ADAM23: variants seen among roughly 807,000 people sequenced by gnomAD.
The protein encoded by ADAM23 is disintegrin and metalloproteinase domain-containing protein 23.
A neutral mutation model predicts 120.1 loss-of-function variants in ADAM23; 33 were observed. The ratio of observed to expected loss-of-function variants is 0.27; its 90% CI spans 0.21 to 0.37. The LOEUF (loss-of-function observed/expected upper bound fraction) is 0.37, where lower values mean the gene tolerates loss of function less well. Among genes scored for constraint, ADAM23 ranks in the 10% least tolerant of loss-of-function variants. ADAM23 has a pLI of 1.00. For missense variants in ADAM23, 862 were observed against 1,058.2 expected (o/e 0.81, Z 2.57); for synonymous variants, 367 against 375.2 (o/e 0.98, Z 0.25).
At chr2:206,615,917 C>T (rs532129735) in intron 25 of ADAM23, among the ~76,000 whole-genome samples, 5 of 152,268 alleles carry the variant, frequency 3.3e-5, no homozygotes, top group South Asian at 4.2e-4. Flanking sequence ...CGGTCATTCC[C>T]GAATTTGAAT....
intron 2 of ADAM23, among the ~76,000 whole-genome samples, chr2:206,478,294 A>C (rs1695825067): frequency 1.3e-5 from 2 of 152,192 alleles, no homozygotes; most frequent in South Asian, 4.1e-4. Context: ...CATTTGATAC[A>C]TTGACAAAGA....
chr2:206,568,316 C>T (rs539017138), intron 15 of ADAM23, among the ~76,000 whole-genome samples: 17 of 152,296 alleles, frequency 1.1e-4, no homozygotes, highest in African/African-American at 3.8e-4. Flanking sequence ...GTCACAATCC[C>T]TTATTCGTGT....
chr2:206,547,563 C>G, intron 7 of ADAM23, 62 bp downstream of exon 7: 3 of 1,394,910 alleles, frequency 2.2e-6, no homozygotes, highest in Non-Finnish European at 3.0e-6. Flanking sequence ...TCTGGTGGAG[C>G]TCAGTAGATA....
In ADAM23 at chr2:206,547,486, C is replaced by A. The variant is rs1331290938; in HGVS notation, c.778C>A (p.Gln260Lys). Reference sequence around the variant, plus strand: ...AACCTTGGCAGGACAGTATTCTAAGCAAATGAAGAATCTCAGTAAGTTTTA... The same window carrying A: ...AACCTTGGCAGGACAGTATTCTAAGAAAATGAAGAATCTCAGTAAGTTTTA... The part of the protein sequence containing the change: ...QKTLAGQYSK[Q>K]MKNLTMERGD... The change falls in exon 7 of 26, where the codon CAA (glutamine) becomes AAA (lysine). Residue 260 changes from glutamine (Q) to lysine (K), a missense_variant. Gln to Lys is a moderately conservative substitution (Grantham distance 53). This residue lies in a region of ADAM23 where 617 missense variants were observed against 813.5 expected (regional missense o/e 0.76). Coordinates refer to ENST00000264377, the MANE Select transcript of ADAM23 (RefSeq NM_003812.4). The A allele has an allele frequency of 3.1e-6, 5 of 1,611,190 alleles. No individual in the cohort carries two copies. The Admixed American group carries it at 6.7e-5, about 22-fold the overall frequency.
chr2:206,513,756 T>G (rs1574507082), intron 3 of ADAM23, among the ~76,000 whole-genome samples: 1 of 152,200 alleles, frequency 6.6e-6, no homozygotes, highest in East Asian at 1.9e-4. Context: ...GCTTCGACGC[T>G]GCAAAGAACA....
intron 20 of ADAM23, 109 bp from the exon 21 acceptor site, chr2:206,589,299 CT>C: frequency 1.2e-6 from 1 of 822,628 alleles, no homozygotes. Flanking sequence ...TCAGGATGTT[CT>C]TTTTCCTTGC....
intron 3 of ADAM23, among the ~76,000 whole-genome samples, chr2:206,497,005 A>G (rs1054452032): frequency 1.4e-4 from 22 of 152,216 alleles, no homozygotes; most frequent in Admixed American, 3.9e-4. Flanking sequence ...TTGAGGCAAT[A>G]ATTAATAGCT....
chr2:206,451,113 A>G (rs574612800), intron 2 of ADAM23, among the ~76,000 whole-genome samples: 1 of 152,316 alleles, frequency 6.6e-6, no homozygotes, highest in South Asian at 2.1e-4. Flanking sequence ...ATTAGGAGTT[A>G]AGTTTGTGCA....
intron 18 of ADAM23, among the ~76,000 whole-genome samples, chr2:206,585,505 T>C (rs1202286342): frequency 6.6e-6 from 1 of 152,242 alleles, no homozygotes; most frequent in Non-Finnish European, 1.5e-5. Flanking sequence ...GAATGTTTGT[T>C]AGGAAATTAC....
intron 6 of ADAM23, 79 bp downstream of exon 6, chr2:206,543,395 T>C: frequency 8.1e-7 from 1 of 1,236,874 alleles, no homozygotes; most frequent in Non-Finnish European, 1.2e-6. Context: ...GAGAAAAGAG[T>C]GTAGATTTCA....
chr2:206,474,029 A>C (rs1367360201), intron 2 of ADAM23, among the ~76,000 whole-genome samples: 1 of 151,650 alleles, frequency 6.6e-6, no homozygotes, highest in East Asian at 1.9e-4. Flanking sequence ...AAAAAACAAA[A>C]AAAAAAAACC....
At chr2:206,528,668 C>G (rs954208659) in intron 3 of ADAM23, among the ~76,000 whole-genome samples, 2 of 152,066 alleles carry the variant, frequency 1.3e-5, no homozygotes, top group Non-Finnish European at 2.9e-5. Context: ...TCATTGAGTC[C>G]TCCCATTTTT....
intron 18 of ADAM23, among the ~76,000 whole-genome samples, chr2:206,576,799 A>G (rs946104968): frequency 2.6e-5 from 4 of 152,330 alleles, no homozygotes; most frequent in African/African-American, 7.2e-5. Context: ...AACAATACTT[A>G]CGTAATTAAG....
intron 6 of ADAM23, among the ~76,000 whole-genome samples, chr2:206,543,770 C>A (rs553519123): frequency 6.6e-6 from 1 of 151,828 alleles, no homozygotes; most frequent in African/African-American, 2.4e-5. Context: ...CACACACACA[C>A]GCACACGCAC....
rs544877992 is a variant in ADAM23, at chr2:206,503,403, C to T, written c.509+22095C>T. Among the ~76,000 whole-genome samples, 5 of 152,180 alleles carry T rather than the reference C, an allele frequency of 3.3e-5. No homozygotes were observed. The East Asian group carries it at 9.6e-4, about 29-fold the overall frequency. ...GGATGAGGGAAAAAGAAATACATTG[C>T]TTATCAGCTCCTAAAACTAGGCCTG... On this transcript the variant is annotated intron_variant, in intron 3 of 25. Coordinates refer to ENST00000264377, the MANE Select transcript of ADAM23 (RefSeq NM_003812.4).
intron 18 of ADAM23, among the ~76,000 whole-genome samples, chr2:206,580,077 A>C (rs1399796396): frequency 6.6e-6 from 1 of 152,126 alleles, no homozygotes; most frequent in Non-Finnish European, 1.5e-5. Context: ...GTATCTGGAA[A>C]CTTTGCTGAA....
chr2:206,543,687 A>G (rs949756460), intron 6 of ADAM23, among the ~76,000 whole-genome samples: 17 of 152,168 alleles, frequency 1.1e-4, no homozygotes, highest in African/African-American at 3.9e-4. Context: ...ACAATTTGCA[A>G]TTGCAGAAAT....
chr2:206,507,423 C>G (rs1396348071), intron 3 of ADAM23, among the ~76,000 whole-genome samples: 1 of 152,126 alleles, frequency 6.6e-6, no homozygotes, highest in Non-Finnish European at 1.5e-5. Flanking sequence ...CCCTTGCATC[C>G]TCTTCCTCCT....
intron 17 of ADAM23, among the ~76,000 whole-genome samples, chr2:206,572,422 A>C (rs1186554195): frequency 6.6e-6 from 1 of 152,186 alleles, no homozygotes; most frequent in Admixed American, 6.5e-5. Context: ...TATAACCTCT[A>C]ATATTTCTTA....
Sources: gnomAD v4.1 joint callset for allele counts (sites outside exome capture counted in the v4.1 genomes callset) on GRCh38, gnomAD v4.1.1 for gene constraint, gnomAD v4.1.1 regional missense constraint, MANE v1.5 for transcripts, NCBI Gene and HGNC (gene_info 2026-07-23, HGNC 2026-07-21) for gene names.